The following ALCAM variants were observed in gnomAD, a reference collection of about 807,000 sequenced individuals.
The protein encoded by ALCAM is CD166 antigen.
Under a neutral mutation model 70.9 loss-of-function variants are expected in ALCAM, and 30 were observed. The ratio of observed to expected loss-of-function variants is 0.42; its 90% confidence interval spans 0.32 to 0.57. The LOEUF (loss-of-function observed/expected upper bound fraction) is 0.57, where lower values mean the gene tolerates loss of function less well. Ranked by LOEUF, ALCAM falls within the 20% of genes least tolerant of loss-of-function variation. The probability of loss-of-function intolerance (pLI) is 0.11; values close to 1 mark genes in which losing one functional copy is unlikely to be tolerated. For synonymous variants in ALCAM, 249 were observed against 242.5 expected (o/e 1.03, Z -0.25); for missense variants, 591 against 695.1 (o/e 0.85, Z 1.68).
intron 4 of ALCAM, among the ~76,000 whole-genome samples, chr3:105,533,129 A>G (rs917711091): frequency 2.0e-5 from 3 of 152,220 alleles, no homozygotes; most frequent in African/African-American, 7.2e-5. Context: ...AATACATTTA[A>G]AGAAAGTGAG....
intron 1 of ALCAM, among the ~76,000 whole-genome samples, chr3:105,422,705 T>C (rs78230244): frequency 5.9e-5 from 9 of 151,610 alleles, no homozygotes; most frequent in African/African-American, 2.2e-4. Context: ...AGAACAGCTT[T>C]TTCTAACAAC....
intron 1 of ALCAM, among the ~76,000 whole-genome samples, chr3:105,446,650 CAT>C (rs982954777): frequency 4.5e-5 from 6 of 133,480 alleles, no homozygotes; most frequent in African/African-American, 8.2e-5. Context: ...CACACACACA[CAT>C]AATGGAGTAC....
chr3:105,528,754 A>C (rs1009836002), intron 3 of ALCAM, among the ~76,000 whole-genome samples: 2 of 152,176 alleles, frequency 1.3e-5, no homozygotes, highest in Non-Finnish European at 2.9e-5. Flanking sequence ...GAAGAGGGAG[A>C]GAATCAGGAA....
intron 1 of ALCAM, among the ~76,000 whole-genome samples, chr3:105,467,049 T>C (rs1559801357): frequency 6.6e-6 from 1 of 151,440 alleles, no homozygotes; most frequent in Non-Finnish European, 1.5e-5. Flanking sequence ...TACCATTTAA[T>C]AGCTGTGTAA....
intron 11 of ALCAM, among the ~76,000 whole-genome samples, 187 bp downstream of exon 11, chr3:105,547,710 G>A (rs1200824515): frequency 1.3e-5 from 2 of 151,366 alleles, no homozygotes; most frequent in African/African-American, 4.8e-5. Context: ...TTTCCTAGAG[G>A]AAGAACATGG....
intron 14 of ALCAM, chr3:105,552,936 T>C: frequency 9.3e-7 from 1 of 1,074,706 alleles, no homozygotes; most frequent in Non-Finnish European, 1.1e-6. Context: ...TCATTAAAAG[T>C]ACCTAGTACA....
intron 1 of ALCAM, among the ~76,000 whole-genome samples, chr3:105,485,208 A>G (rs1938391895): frequency 6.6e-6 from 1 of 152,110 alleles, no homozygotes; most frequent in Admixed American, 6.6e-5. Flanking sequence ...TGTTTTGTCC[A>G]AATGGCTGGC....
At chr3:105,476,325 A>C (rs553825947) in intron 1 of ALCAM, among the ~76,000 whole-genome samples, 1 of 152,202 alleles carries the variant, frequency 6.6e-6, no homozygotes, top group South Asian at 2.1e-4. Context: ...TTCCATTCAC[A>C]ACCATGACTA....
At chr3:105,442,282 T>C (rs1206809928) in intron 1 of ALCAM, among the ~76,000 whole-genome samples, 1 of 152,152 alleles carries the variant, frequency 6.6e-6, no homozygotes, top group East Asian at 1.9e-4. Flanking sequence ...AAACATAATA[T>C]GGGCTCAAGT....
chr3:105,524,863 T>C (rs879286479), intron 3 of ALCAM: 2 of 1,010,114 alleles, frequency 2.0e-6, no homozygotes, highest in African/African-American at 1.7e-5. Flanking sequence ...ATGATATATA[T>C]GTAATCATGT....
chr3:105,386,661 A>AATATAT (rs113319090), intron 1 of ALCAM, among the ~76,000 whole-genome samples: 4 of 148,200 alleles, frequency 2.7e-5, no homozygotes, highest in Non-Finnish European at 4.5e-5. Context: ...TACCACCATA[A>AATATAT]ATATATATAT....
chr3:105,411,106 C>A (rs1393302495), intron 1 of ALCAM, among the ~76,000 whole-genome samples: 1 of 151,996 alleles, frequency 6.6e-6, no homozygotes, highest in African/African-American at 2.4e-5. Context: ...GCAGCTCTTA[C>A]AACATGACAG....
At chr3:105,374,546 C>G (rs1003706075) in intron 1 of ALCAM, among the ~76,000 whole-genome samples, 2 of 151,918 alleles carry the variant, frequency 1.3e-5, no homozygotes, top group African/African-American at 4.8e-5. Context: ...GACGGTGTCT[C>G]GCTCTTGTTA....
rs1373139085 is a variant in ALCAM at position 105,560,270 on chromosome 3, A to ACTT, written c.1664+7686_1664+7688dup. Among the ~76,000 whole-genome samples the ACTT allele has an allele frequency of 8.5e-5, 13 of 152,208 alleles. No homozygotes were observed. In the East Asian group the frequency reaches 9.7e-4, roughly 11 times the overall value. ...GAATTAATAACTAGTTTTGGTTTTA[A>ACTT]CTTATATTTCCTTGAGATCTAATAA... On this transcript the variant is annotated intron_variant, in intron 14 of 15. Coordinates refer to ENST00000306107, the MANE Select transcript of ALCAM (RefSeq NM_001627.4).
intron 1 of ALCAM, among the ~76,000 whole-genome samples, chr3:105,442,507 C>T (rs112810818): frequency 3.3e-5 from 5 of 151,980 alleles, no homozygotes; most frequent in African/African-American, 1.2e-4. Flanking sequence ...TTCGGCCAGG[C>T]GCGGTGGCTC....
chr3:105,418,833 A>G (rs1936573351), intron 1 of ALCAM, among the ~76,000 whole-genome samples: 1 of 151,776 alleles, frequency 6.6e-6, no homozygotes, highest in Non-Finnish European at 1.5e-5. Context: ...TAGAAAAAAA[A>G]AGACTTCTGG....
At chr3:105,470,132 T>TACACACACACACACACACACAC (rs35560211) in intron 1 of ALCAM, among the ~76,000 whole-genome samples, 1 of 145,748 alleles carries the variant, frequency 6.9e-6, no homozygotes, top group Non-Finnish European at 1.5e-5. Context: ...GTTATATACA[T>TACACACACACACACACACACAC]ACACACACAC....
chr3:105,409,521 A>G (rs1936334040), intron 1 of ALCAM, among the ~76,000 whole-genome samples: 1 of 152,122 alleles, frequency 6.6e-6, no homozygotes. Flanking sequence ...GTGCAAAGGC[A>G]TAAGAATGAC....
intron 1 of ALCAM, among the ~76,000 whole-genome samples, chr3:105,416,576 T>C (rs1388119654): frequency 6.6e-6 from 1 of 152,012 alleles, no homozygotes; most frequent in Non-Finnish European, 1.5e-5. Context: ...ACCGTTATTA[T>C]GCAATTGCTC....
Sources: allele counts gnomAD v4.1 joint callset (sites outside exome capture counted in the v4.1 genomes callset), GRCh38; gene constraint gnomAD v4.1.1; transcripts MANE v1.5; gene names NCBI Gene and HGNC (gene_info 2026-07-23, HGNC 2026-07-21).